Variants in RAB3C observed in about 807,000 individuals in gnomAD.
RAB3C encodes the protein ras-related protein Rab-3C.
In RAB3C, 17 loss-of-function variants were observed where a neutral mutation model predicts 26.4. That is an observed-to-expected ratio of 0.64 (90% confidence interval 0.44 to 0.97). The LOEUF (loss-of-function observed/expected upper bound fraction) is 0.97. Ranked by LOEUF, RAB3C falls within the 50% of genes least tolerant of loss-of-function variation. RAB3C has a pLI of 0.00. For missense variants in RAB3C, 242 were observed against 281.9 expected (o/e 0.86, Z 1.01); for synonymous variants, 91 against 95.9 (o/e 0.95, Z 0.30).
intron 3 of RAB3C, chr5:58,794,635 A>T (rs866915227): frequency 1.3e-5 from 2 of 152,166 alleles, no homozygotes; most frequent in South Asian, 2.1e-4. Context: ...TTAATTATTT[A>T]TTAAAAAAAC....
intron 2 of RAB3C, among the ~76,000 whole-genome samples, chr5:58,627,854 A>T (rs1277379206): frequency 3.9e-5 from 6 of 152,176 alleles, no homozygotes; most frequent in Admixed American, 6.6e-5. Flanking sequence ...AAATCAATTT[A>T]AAAATGTTTA....
intron 3 of RAB3C, among the ~76,000 whole-genome samples, chr5:58,757,954 GT>G (rs1741711091): frequency 3.3e-5 from 5 of 151,930 alleles, no homozygotes; most frequent in Admixed American, 2.6e-4. Context: ...GTTTTGTTTT[GT>G]TTTTGAGACG....
chr5:58,785,206 T>G (rs1742350975), intron 3 of RAB3C, among the ~76,000 whole-genome samples: 1 of 152,230 alleles, frequency 6.6e-6, no homozygotes, highest in Non-Finnish European at 1.5e-5. Flanking sequence ...ATCTGCACGA[T>G]GGAAACGTCT....
At chr5:58,776,418 T>A (rs1359089052) in intron 3 of RAB3C, among the ~76,000 whole-genome samples, 1 of 152,128 alleles carries the variant, frequency 6.6e-6, no homozygotes, top group East Asian at 1.9e-4. Context: ...GTGGTTCTTT[T>A]ACTTTTTTAA....
chr5:58,775,294 C>G (rs1327884280), intron 3 of RAB3C, among the ~76,000 whole-genome samples: 1 of 152,062 alleles, frequency 6.6e-6, no homozygotes, highest in Non-Finnish European at 1.5e-5. Flanking sequence ...AAATGTCAAA[C>G]CCAGGGGCTT....
intron 3 of RAB3C, among the ~76,000 whole-genome samples, chr5:58,822,139 A>C (rs1405879784): frequency 1.3e-5 from 2 of 152,252 alleles, no homozygotes; most frequent in Non-Finnish European, 2.9e-5. Context: ...AGAATTAAAA[A>C]ACATAGCTTC....
At chr5:58,596,003 G>T (rs1476241320) in intron 1 of RAB3C, among the ~76,000 whole-genome samples, 2 of 152,080 alleles carry the variant, frequency 1.3e-5, no homozygotes, top group African/African-American at 4.8e-5. Flanking sequence ...TATCTAAGTT[G>T]TATAAGGGGA....
chr5:58,635,662 C>T (rs887615319), intron 2 of RAB3C, among the ~76,000 whole-genome samples: 1 of 152,168 alleles, frequency 6.6e-6, no homozygotes, highest in African/African-American at 2.4e-5. Context: ...CCTCCTCTAG[C>T]CCCAGAGGCT....
intron 3 of RAB3C, among the ~76,000 whole-genome samples, chr5:58,768,558 A>G (rs1329357153): frequency 6.6e-6 from 1 of 152,040 alleles, no homozygotes; most frequent in Non-Finnish European, 1.5e-5. Flanking sequence ...CAGCCCAAGG[A>G]CTATTTTAGA....
At chr5:58,609,149 C>T (rs1298762259) in intron 1 of RAB3C, among the ~76,000 whole-genome samples, 1 of 151,994 alleles carries the variant, frequency 6.6e-6, no homozygotes, top group African/African-American at 2.4e-5. Flanking sequence ...TGTAACAAAC[C>T]CGCATGTTGT....
chr5:58,802,010 C>T (rs1161949909), intron 3 of RAB3C, among the ~76,000 whole-genome samples: 2 of 152,188 alleles, frequency 1.3e-5, no homozygotes, highest in Non-Finnish European at 2.9e-5. Flanking sequence ...ACATTTAGCA[C>T]TGACATACAT....
intron 2 of RAB3C, among the ~76,000 whole-genome samples, chr5:58,658,982 T>G (rs371130146): frequency 4.0e-5 from 6 of 151,680 alleles, no homozygotes; most frequent in African/African-American, 1.5e-4. Flanking sequence ...TTCAAAGGAG[T>G]AGGGAAATAG....
chr5:58,676,375 C>T (rs1003828597), intron 2 of RAB3C, among the ~76,000 whole-genome samples: 9 of 152,020 alleles, frequency 5.9e-5, no homozygotes, highest in African/African-American at 1.7e-4. Context: ...TGGTGGCAGG[C>T]GCTTGTAATC....
chr5:58,695,149 G>T (rs1748667953), intron 2 of RAB3C, among the ~76,000 whole-genome samples: 1 of 152,140 alleles, frequency 6.6e-6, no homozygotes, highest in Non-Finnish European at 1.5e-5. Flanking sequence ...TTCTACATAT[G>T]GCTAGCCAGT....
intron 3 of RAB3C, among the ~76,000 whole-genome samples, chr5:58,758,187 G>A (rs1027050640): frequency 2.0e-5 from 3 of 151,956 alleles, no homozygotes; most frequent in Admixed American, 1.3e-4. Context: ...CTTGTGATCC[G>A]CCTGCCTCAG....
At chr5:58,688,433 T>G (rs1748492479) in intron 2 of RAB3C, among the ~76,000 whole-genome samples, 1 of 152,126 alleles carries the variant, frequency 6.6e-6, no homozygotes, top group Admixed American at 6.6e-5. Context: ...TGAGTTGACC[T>G]CCATCAGATC....
At chr5:58,741,704 G>A (rs1741277166) in intron 3 of RAB3C, 1 of 151,954 alleles carries the variant, frequency 6.6e-6, no homozygotes, top group African/African-American at 2.4e-5. Flanking sequence ...AAAACTAGAT[G>A]TTAAAAAAAG....
intron 2 of RAB3C, among the ~76,000 whole-genome samples, chr5:58,646,687 G>A (rs187627336): frequency 1.2e-4 from 19 of 152,174 alleles, no homozygotes; most frequent in Admixed American, 5.9e-4. Context: ...TCAATTTTGC[G>A]TGCTGCCCAG....
chr5:58,692,599 C>G (rs1419180699), intron 2 of RAB3C, among the ~76,000 whole-genome samples: 1 of 152,094 alleles, frequency 6.6e-6, no homozygotes, highest in African/African-American at 2.4e-5. Flanking sequence ...AATAGCACTT[C>G]ATTCAAATAG....
Sources: gnomAD v4.1 joint callset for allele counts (sites outside exome capture counted in the v4.1 genomes callset) on GRCh38, gnomAD v4.1.1 for gene constraint, MANE v1.5 for transcripts, NCBI Gene and HGNC (gene_info 2026-07-23, HGNC 2026-07-21) for gene names.